The following ABHD3 variants were observed in gnomAD, a reference collection of about 807,000 sequenced individuals.
ABHD3 encodes the protein abhydrolase domain containing 3, phospholipase, also known as phospholipase ABHD3.
ABHD3 carries 46 observed loss-of-function variants against 48.8 expected under a neutral mutation model. The observed-to-expected ratio is 0.94, with a 90% CI of 0.74 to 1.20. ABHD3 has a LOEUF of 1.20. ABHD3 is among the 50% of genes most tolerant of loss of function. ABHD3 has a pLI of 0.00. For missense variants in ABHD3, 490 were observed against 497.8 expected, an observed-to-expected ratio of 0.98 and a Z score of 0.15; for synonymous variants, 192 against 183.7, an observed-to-expected ratio of 1.04 and a Z score of -0.36.
At chr18:21,677,584 T>C (rs371317783) in intron 4 of ABHD3, among the ~76,000 whole-genome samples, 14 of 152,326 alleles carry the variant, frequency 9.2e-5, no homozygotes, top group African/African-American at 3.4e-4. Context: ...CATCTGTTGA[T>C]GAATATCTGG....
intron 1 of ABHD3, among the ~76,000 whole-genome samples, chr18:21,704,003 T>G (rs1313267352): frequency 6.6e-6 from 1 of 152,246 alleles, no homozygotes; most frequent in Non-Finnish European, 1.5e-5. Flanking sequence ...GGGATTCTCC[T>G]GCCTCAGCCT....
intron 3 of ABHD3, among the ~76,000 whole-genome samples, chr18:21,690,886 T>C (rs1389505984): frequency 6.0e-5 from 9 of 150,832 alleles, no homozygotes; most frequent in Admixed American, 2.6e-4. Context: ...TCTCAGCTAC[T>C]TGGGAGGCTG....
intron 3 of ABHD3, among the ~76,000 whole-genome samples, chr18:21,700,058 G>C (rs2040473179): frequency 6.6e-6 from 1 of 151,980 alleles, no homozygotes; most frequent in Non-Finnish European, 1.5e-5. Flanking sequence ...CAGTCCTTGA[G>C]TTTCAACCAC....
intron 8 of ABHD3, chr18:21,655,117 G>A (rs996906174): frequency 1.3e-4 from 19 of 151,840 alleles, no homozygotes; most frequent in African/African-American, 4.1e-4. Flanking sequence ...AATAAAATAG[G>A]ATCTCCTAGA....
At chr18:21,688,465 T>C (rs1053267329) in intron 3 of ABHD3, among the ~76,000 whole-genome samples, 16 of 150,720 alleles carry the variant, frequency 1.1e-4, no homozygotes, top group Admixed American at 4.0e-4. Context: ...TGAATATTAA[T>C]ATTGGAATAA....
intron 5 of ABHD3, among the ~76,000 whole-genome samples, chr18:21,661,067 C>A (rs1315131585): frequency 3.5e-5 from 5 of 140,994 alleles, no homozygotes; most frequent in Non-Finnish European, 7.6e-5. Context: ...AGGAAAAGGA[C>A]CCTATTTTCT....
chr18:21,663,743 T>A, intron 5 of ABHD3: 2 of 1,535,574 alleles, frequency 1.3e-6, no homozygotes, highest in Non-Finnish European at 8.7e-7. Flanking sequence ...TTTCTGTAAC[T>A]GGAGTGATGA....
In ABHD3 at chr18:21,703,945, T is replaced by A. The variant is rs1419399297; in HGVS notation, c.163-198A>T. 1.0e-5 allele frequency: 6 copies of A among 579,744 alleles called. No individual in the cohort carries two copies. The African/African-American group carries it at 1.1e-4, about 11-fold the overall frequency. 35.9% of individuals were successfully genotyped at this position (579,744 alleles called of 1,614,324 possible). On this transcript the variant is annotated intron_variant, in intron 1 of 8. Coordinates refer to ENST00000289119, the MANE Select transcript of ABHD3 (RefSeq NM_138340.5). ...CAATGCCCCGAGGGGAAGGCGAGAA[T>A]CGCGATAAGGGAGTTTGTTTGTTTT...
chr18:21,690,273 C>T (rs2040217504), intron 3 of ABHD3, among the ~76,000 whole-genome samples: 1 of 151,938 alleles, frequency 6.6e-6, no homozygotes, highest in Non-Finnish European at 1.5e-5. Flanking sequence ...AAAGTAGAAC[C>T]TCAGTGATTT....
chr18:21,672,377 G>C (rs1361365077), intron 4 of ABHD3, among the ~76,000 whole-genome samples: 1 of 152,124 alleles, frequency 6.6e-6, no homozygotes, highest in East Asian at 1.9e-4. Flanking sequence ...AAGCTATCGA[G>C]AATTTTAGTT....
intron 8 of ABHD3, among the ~76,000 whole-genome samples, chr18:21,653,606 A>G (rs2039278186): frequency 6.6e-6 from 1 of 151,954 alleles, no homozygotes; most frequent in Non-Finnish European, 1.5e-5. Flanking sequence ...CCTAATTAAG[A>G]TAACATGGTT....
Position 21,700,421 on chromosome 18 carries a change from G to C in ABHD3, c.509+1895C>G, listed in dbSNP as rs556640083. ...TTTTTGTTTTTATTTTTTTTGAGAC[G>C]GAGTTTTGCTCTTATTGCCCAGGCT... is the stretch of plus-strand genomic sequence containing the variant. On this transcript the variant is annotated intron_variant, in intron 3 of 8. Transcript: ENST00000289119. Among the ~76,000 whole-genome samples, 3 of 143,534 alleles carry C rather than the reference G, an allele frequency of 2.1e-5. No individual in the cohort carries two copies. The East Asian group carries it at 6.2e-4, about 30-fold the overall frequency. The allele number at this position is 143,534 out of a possible 152,430, so 94.2% of individuals were successfully genotyped here.
At chr18:21,667,835 T>A (rs915551741) in intron 4 of ABHD3, among the ~76,000 whole-genome samples, 1 of 152,024 alleles carries the variant, frequency 6.6e-6, no homozygotes, top group African/African-American at 2.4e-5. Flanking sequence ...TTAAAAAAAA[T>A]ACTTTTTGAT....
chr18:21,656,669 T>A (rs1358593938), intron 8 of ABHD3, among the ~76,000 whole-genome samples, 192 bp downstream of exon 8: 1 of 152,188 alleles, frequency 6.6e-6, no homozygotes, highest in Non-Finnish European at 1.5e-5. Flanking sequence ...GTTCTGAGCC[T>A]CTCACAATGG....
chr18:21,699,780 A>G (rs2040466376), intron 3 of ABHD3, among the ~76,000 whole-genome samples: 1 of 152,126 alleles, frequency 6.6e-6, no homozygotes, highest in African/African-American at 2.4e-5. Flanking sequence ...TCCCGGGTTT[A>G]AGCGATTCTC....
intron 8 of ABHD3, among the ~76,000 whole-genome samples, chr18:21,655,605 T>C (rs1207083814): frequency 2.0e-5 from 3 of 151,552 alleles, no homozygotes; most frequent in Non-Finnish European, 4.4e-5. Flanking sequence ...TCTGGGAGGC[T>C]GAGGCAGGCG....
At chr18:21,660,514 T>G (rs2039468072) in intron 5 of ABHD3, among the ~76,000 whole-genome samples, 1 of 152,242 alleles carries the variant, frequency 6.6e-6, no homozygotes, top group African/African-American at 2.4e-5. Flanking sequence ...CATAATCATG[T>G]CTAATCTACA....
intron 3 of ABHD3, among the ~76,000 whole-genome samples, chr18:21,689,599 T>G (rs1437382178): frequency 7.1e-6 from 1 of 141,686 alleles, no homozygotes; most frequent in Non-Finnish European, 1.5e-5. Context: ...CTCACAGGCT[T>G]GAAGAACTAT....
rs1311913306 is a variant in ABHD3, at chr18:21,652,652, G to A, written c.1058-889C>T. Reference sequence around the variant, plus strand: ...TGGATGGGCGTGGTGGCACGTGCCTGTAGTCCCAGCTACTTGGGAGGCTGA... The same window carrying A: ...TGGATGGGCGTGGTGGCACGTGCCTATAGTCCCAGCTACTTGGGAGGCTGA... On this transcript the variant is annotated intron_variant, in intron 8 of 8. Coordinates refer to ENST00000289119, the MANE Select transcript of ABHD3 (RefSeq NM_138340.5). Among the ~76,000 whole-genome samples the A allele has an allele frequency of 4.6e-5, 7 of 151,910 alleles. No homozygotes were observed. In the East Asian group the frequency reaches 1.4e-3, roughly 29 times the overall value.
Sources: gnomAD v4.1 joint callset for allele counts (sites outside exome capture counted in the v4.1 genomes callset) on GRCh38, gnomAD v4.1.1 for gene constraint, MANE v1.5 for transcripts, NCBI Gene and HGNC (gene_info 2026-07-23, HGNC 2026-07-21) for gene names.